Variants in CC2D2A observed in about 807,000 individuals in gnomAD.
The protein encoded by CC2D2A is coiled-coil and C2 domain containing 2A, also known as coiled-coil and C2 domain-containing protein 2A.
A neutral mutation model predicts 212.9 loss-of-function variants in CC2D2A; 155 were observed. That is an observed-to-expected ratio of 0.73 (90% CI 0.64 to 0.83). The LOEUF (loss-of-function observed/expected upper bound fraction) is 0.83. Among genes scored for constraint, CC2D2A ranks in the 40% least tolerant of loss-of-function variants. CC2D2A has a pLI of 0.00. For synonymous variants in CC2D2A, 667 were observed against 686.5 expected (o/e 0.97, Z 0.44); for missense variants, 1,856 against 1,956.2 (o/e 0.95, Z 0.97).
At chr4:15,482,845 G>C (rs1327279478) in intron 4 of CC2D2A, among the ~76,000 whole-genome samples, 1 of 152,112 alleles carries the variant, frequency 6.6e-6, no homozygotes, top group African/African-American at 2.4e-5. Flanking sequence ...AGAAGATACT[G>C]TCCACTGTCA....
chr4:15,579,086 C>T (rs1720538717), intron 29 of CC2D2A, among the ~76,000 whole-genome samples: 1 of 151,940 alleles, frequency 6.6e-6, no homozygotes. Context: ...TTAGTAGCAG[C>T]TTTAGTGGGG....
chr4:15,511,463 G>A (rs1056466045), intron 8 of CC2D2A, 40 bp downstream of exon 8: 2 of 1,454,244 alleles, frequency 1.4e-6, no homozygotes, highest in Non-Finnish European at 1.8e-6. Context: ...TGGGTGGAGG[G>A]CTAGGAGGAA....
Position 15,504,921 on chromosome 4 carries a change from T to C in CC2D2A, c.438+1998T>C, listed in dbSNP as rs1716169967. On this transcript the variant is annotated intron_variant, in intron 6 of 36. Transcript: ENST00000424120. ...TATAGCACATGAAGAGCACAGATGC[T>C]GAACTTCAGCTGACCAGGGCTAAAG... Among the ~76,000 whole-genome samples the C allele has an allele frequency of 5.3e-5, 8 of 152,340 alleles. No homozygotes were observed. The South Asian group carries it at 1.7e-3, about 32-fold the overall frequency.
intron 15 of CC2D2A, 123 bp from the exon 16 acceptor site, chr4:15,537,776 T>C: frequency 1.9e-6 from 2 of 1,026,870 alleles, no homozygotes; most frequent in Non-Finnish European, 2.8e-6. Flanking sequence ...ACCTGCCTGA[T>C]TACACACTTC....
At chr4:15,596,059 T>A (rs1301658451) in intron 33 of CC2D2A, 26 bp from the exon 34 acceptor site, 1 of 1,521,014 alleles carries the variant, frequency 6.6e-7, no homozygotes. Flanking sequence ...CTAACATATA[T>A]GCTAATGTAG....
At chr4:15,529,851 T>C (rs1193714956) in intron 13 of CC2D2A, among the ~76,000 whole-genome samples, 1 of 149,988 alleles carries the variant, frequency 6.7e-6, no homozygotes, top group Non-Finnish European at 1.5e-5. Context: ...TCCATTTATT[T>C]ATTTAGGTCT....
At chr4:15,598,211 T>C (rs959200512) in intron 35 of CC2D2A, among the ~76,000 whole-genome samples, 6 of 152,224 alleles carry the variant, frequency 3.9e-5, no homozygotes, top group African/African-American at 1.4e-4. Flanking sequence ...ATTTCTCCAA[T>C]ATTAAAATGC....
chr4:15,503,397 C>T (rs545428272), intron 6 of CC2D2A, among the ~76,000 whole-genome samples: 2 of 152,274 alleles, frequency 1.3e-5, no homozygotes, highest in African/African-American at 2.4e-5. Context: ...TTTCATTATC[C>T]CTACAGGGCA....
intron 11 of CC2D2A, among the ~76,000 whole-genome samples, chr4:15,525,474 A>T (rs4698393): frequency 0.55 from 76,553 of 139,928 alleles, 19,512 homozygotes; most frequent in Admixed American, 0.62. Flanking sequence ...ATTAAAAACT[A>T]ATAATACTAA....
chr4:15,507,802 A>G (rs558138964), intron 6 of CC2D2A, among the ~76,000 whole-genome samples: 3 of 152,326 alleles, frequency 2.0e-5, no homozygotes, highest in East Asian at 1.9e-4. Flanking sequence ...GGGCCCGCAG[A>G]GCAGACAATG....
chr4:15,501,709 T>C (rs543050437), intron 4 of CC2D2A, among the ~76,000 whole-genome samples: 219 of 152,254 alleles, frequency 1.4e-3, no homozygotes, highest in African/African-American at 5.1e-3. Flanking sequence ...AGGTGTGTGA[T>C]GGTAGAGCCA....
At chr4:15,522,259 C>T (rs981386796) in intron 11 of CC2D2A, among the ~76,000 whole-genome samples, 4 of 152,082 alleles carry the variant, frequency 2.6e-5, no homozygotes, top group African/African-American at 9.7e-5. Flanking sequence ...GTTAAGAAAA[C>T]AAAAGTTGGC....
chr4:15,483,416 C>A (rs898728222), intron 4 of CC2D2A, among the ~76,000 whole-genome samples: 1 of 152,088 alleles, frequency 6.6e-6, no homozygotes, highest in Admixed American at 6.5e-5. Flanking sequence ...GGGTCAAGAG[C>A]AAGATAGAAG....
At chr4:15,595,438 T>C (rs568819577) in intron 33 of CC2D2A, among the ~76,000 whole-genome samples, 33 of 152,234 alleles carry the variant, frequency 2.2e-4, no homozygotes, top group Non-Finnish European at 3.7e-4. Context: ...CTAACAATTA[T>C]TGAGCACTTA....
At chr4:15,560,719 C>A in intron 23 of CC2D2A, 97 bp downstream of exon 23, 3 of 594,322 alleles carry the variant, frequency 5.0e-6, no homozygotes, top group Non-Finnish European at 8.8e-6. Flanking sequence ...TAAAAATCAT[C>A]GTATGGTATG....
Position 15,507,996 on chromosome 4 carries a change from A to G in CC2D2A, c.439-2143A>G, listed in dbSNP as rs534526802. Among the ~76,000 whole-genome samples the G allele has an allele frequency of 5.3e-5, 8 of 152,288 alleles. No individual in the cohort carries two copies. The East Asian group carries it at 1.5e-3, about 29-fold the overall frequency. On this transcript the variant is annotated intron_variant, in intron 6 of 36. Coordinates refer to ENST00000424120, the MANE Select transcript of CC2D2A (RefSeq NM_001378615.1). Reference sequence around the variant, plus strand: ...CCTCATCCTGTGCTTTAGGAGAGATAGGGAATTTGGCATCCAGGGTAGGGG... The same window carrying G: ...CCTCATCCTGTGCTTTAGGAGAGATGGGGAATTTGGCATCCAGGGTAGGGG...
intron 4 of CC2D2A, among the ~76,000 whole-genome samples, chr4:15,499,447 G>A (rs1715799484): frequency 6.6e-6 from 1 of 152,080 alleles, no homozygotes; most frequent in African/African-American, 2.4e-5. Flanking sequence ...TATTAAAAGT[G>A]ATAAATGTCA....
rs1223834316 is a variant in CC2D2A at position 15,537,024 on chromosome 4, T to C, written c.1712T>C (p.Met571Thr). Residue 571 changes from methionine (M) to threonine (T), a missense_variant, in exon 15 of 37, where the codon ATG becomes ACG. Physicochemically the swap from Met to Thr is moderately conservative, Grantham distance 81. Coordinates refer to ENST00000424120, the MANE Select transcript of CC2D2A (RefSeq NM_001378615.1). ...EEHTEEYAQK[M>T]EEYRTSLQQW... is the part of the protein sequence containing the mutation. ...CACACGGAGGAGTACGCACAGAAGA[T>C]GGAAGAATACAGAACGTCGTTACAA... The C allele has an allele frequency of 5.0e-6, 8 of 1,613,450 alleles. No homozygotes were observed. In the South Asian group the frequency reaches 8.8e-5, roughly 18 times the overall value.
At chr4:15,480,044 C>A (rs1714525944) in intron 3 of CC2D2A, among the ~76,000 whole-genome samples, 1 of 152,198 alleles carries the variant, frequency 6.6e-6, no homozygotes, top group Non-Finnish European at 1.5e-5. Context: ...CCCGGGCCAT[C>A]TATTTACGTC....
Sources: gnomAD v4.1 joint callset for allele counts (sites outside exome capture counted in the v4.1 genomes callset) on GRCh38, gnomAD v4.1.1 for gene constraint, MANE v1.5 for transcripts, NCBI Gene and HGNC (gene_info 2026-07-23, HGNC 2026-07-21) for gene names.